The following MIPOL1 variants were observed in gnomAD, a reference collection of about 807,000 sequenced individuals.
MIPOL1 encodes mirror-image polydactyly gene 1 protein.
A neutral mutation model predicts 60.9 loss-of-function variants in MIPOL1; 57 were observed. The observed-to-expected ratio is 0.94, with a 90% CI of 0.76 to 1.17. The LOEUF (loss-of-function observed/expected upper bound fraction) is 1.17, where lower values mean the gene tolerates loss of function less well. Ranked by LOEUF, MIPOL1 falls within the 50% of genes most tolerant of loss-of-function variation. MIPOL1 has a pLI of 0.00. For missense variants in MIPOL1, 551 were observed against 511.6 expected, an observed-to-expected ratio of 1.08 and a Z score of -0.74; for synonymous variants, 179 against 168.8, an observed-to-expected ratio of 1.06 and a Z score of -0.47.
intron 11 of MIPOL1, among the ~76,000 whole-genome samples, chr14:37,491,358 G>A (rs1047755204): frequency 1.3e-5 from 2 of 152,030 alleles, no homozygotes; most frequent in Non-Finnish European, 2.9e-5. Flanking sequence ...GCGAAACTCC[G>A]CCTTTACCAA....
chr14:37,482,045 G>T (rs537547441), intron 11 of MIPOL1, among the ~76,000 whole-genome samples: 2 of 152,034 alleles, frequency 1.3e-5, no homozygotes, highest in East Asian at 3.9e-4. Context: ...ACCCCAAAAA[G>T]CATAGGCAAC....
intron 10 of MIPOL1, chr14:37,401,244 C>G (rs1380561335): frequency 6.6e-6 from 1 of 151,928 alleles, no homozygotes; most frequent in Non-Finnish European, 1.5e-5. Context: ...AAGAGAAACC[C>G]TATTCAAAGA....
chr14:37,539,313 A>G (rs1253100978), intron 12 of MIPOL1, among the ~76,000 whole-genome samples: 1 of 152,216 alleles, frequency 6.6e-6, no homozygotes, highest in Non-Finnish European at 1.5e-5. Context: ...TTATTCTGAT[A>G]TGGAAATATT....
At chr14:37,293,846 G>A (rs2085339534) in intron 7 of MIPOL1, among the ~76,000 whole-genome samples, 2 of 152,206 alleles carry the variant, frequency 1.3e-5, no homozygotes, top group Non-Finnish European at 2.9e-5. Flanking sequence ...CACAGCTCAA[G>A]GAGGCCTTCC....
chr14:37,225,806 C>A (rs921762721), intron 1 of MIPOL1, among the ~76,000 whole-genome samples: 1 of 152,102 alleles, frequency 6.6e-6, no homozygotes, highest in Admixed American at 6.6e-5. Flanking sequence ...TGTGGTCAGG[C>A]GGCAAATTGT....
chr14:37,314,493 G>A (rs939560587), intron 9 of MIPOL1, among the ~76,000 whole-genome samples: 1 of 152,122 alleles, frequency 6.6e-6, no homozygotes, highest in Non-Finnish European at 1.5e-5. Flanking sequence ...TGTTCTTTTT[G>A]ACTCTTTCTG....
intron 11 of MIPOL1, among the ~76,000 whole-genome samples, chr14:37,437,996 G>C (rs2153564130): frequency 6.6e-6 from 1 of 151,892 alleles, no homozygotes; most frequent in Non-Finnish European, 1.5e-5. Flanking sequence ...TTTTCTTTAG[G>C]AACAAGTTTT....
At chr14:37,264,729 C>A (rs2082748162) in intron 3 of MIPOL1, among the ~76,000 whole-genome samples, 1 of 151,988 alleles carries the variant, frequency 6.6e-6, no homozygotes, top group African/African-American at 2.4e-5. Context: ...TACAGTAATT[C>A]TTTGTTTTGC....
intron 11 of MIPOL1, among the ~76,000 whole-genome samples, chr14:37,434,861 A>C (rs924927452): frequency 3.2e-4 from 48 of 152,012 alleles, no homozygotes; most frequent in Admixed American, 4.6e-4. Flanking sequence ...AAAAAAAAAA[A>C]AAAAACAAAA....
At chr14:37,447,870 A>G (rs1471094373) in intron 11 of MIPOL1, among the ~76,000 whole-genome samples, 1 of 152,104 alleles carries the variant, frequency 6.6e-6, no homozygotes, top group Admixed American at 6.6e-5. Flanking sequence ...GAATATTGGT[A>G]CCTATCTTTT....
chr14:37,202,790 A>G (rs1170437455), intron 1 of MIPOL1, among the ~76,000 whole-genome samples: 3 of 152,030 alleles, frequency 2.0e-5, no homozygotes, highest in Non-Finnish European at 4.4e-5. Flanking sequence ...TTCTGGGACA[A>G]TTTTCCAGGA....
intron 9 of MIPOL1, among the ~76,000 whole-genome samples, chr14:37,328,014 T>TAG (rs2089329447): frequency 2.0e-5 from 3 of 147,574 alleles, no homozygotes; most frequent in African/African-American, 7.3e-5. Flanking sequence ...GAAAATTTTC[T>TAG]GTTTTCTTTT....
intron 3 of MIPOL1, among the ~76,000 whole-genome samples, chr14:37,262,491 C>T (rs941560001): frequency 4.6e-5 from 7 of 152,050 alleles, no homozygotes; most frequent in African/African-American, 9.6e-5. Context: ...TTAAAGCATG[C>T]GATTTGGTTC....
At chr14:37,375,117 C>G (rs2092739225) in intron 10 of MIPOL1, among the ~76,000 whole-genome samples, 1 of 151,956 alleles carries the variant, frequency 6.6e-6, no homozygotes, top group Non-Finnish European at 1.5e-5. Context: ...AAGTTGTATT[C>G]CTAGGTATTT....
intron 12 of MIPOL1, among the ~76,000 whole-genome samples, chr14:37,501,186 A>G (rs1317050286): frequency 6.6e-6 from 1 of 152,230 alleles, no homozygotes; most frequent in African/African-American, 2.4e-5. Context: ...TGATTTATGT[A>G]GGTATTATAT....
In MIPOL1 at chr14:37,500,130, A is replaced by G. The variant is rs2095194529; in HGVS notation, c.1254A>G (p.Lys418=). 2 of 1,599,236 alleles carry G rather than the reference A, an allele frequency of 1.3e-6. No homozygotes were observed. The highest frequency in any genetic ancestry group is 1.7e-6 in the Non-Finnish European group (2 of 1,172,286). ...AGGCCTCCCAAGTGGCCAATGAAAA[A>G]GTTCAAAAGTAAGTTAAATGATCTT... ...AREASQVANE[K]VQKLERLVDV... The change falls in exon 12 of 13, where the codon AAA becomes AAG. Residue 418 remains lysine, a synonymous_variant. Transcript: ENST00000684589.
rs2095558207 is a variant in MIPOL1 at position 37,550,120 on chromosome 14, T to A, written c.*3149T>A. The A allele has an allele frequency of 6.6e-6, 1 of 151,502 alleles. No homozygotes were observed. Among genetic ancestry groups the A allele is most frequent in the African/African-American group, 2.4e-5 (1 of 41,394 alleles). 9.4% of individuals were successfully genotyped at this position (151,502 alleles called of 1,614,324 possible). ...AATATGGAGTAAAATATTTTGCTAA[T>A]TTTTTTCAATGATAAAGTTGATCCT... is the stretch of plus-strand genomic sequence containing the variant. On this transcript the variant is annotated 3_prime_UTR_variant, in exon 13 of 13. Transcript: ENST00000684589.
At chr14:37,295,644 G>A (rs2085576503) in intron 7 of MIPOL1, among the ~76,000 whole-genome samples, 1 of 151,978 alleles carries the variant, frequency 6.6e-6, no homozygotes, top group Admixed American at 6.6e-5. Context: ...AAAAGGCAGG[G>A]GTTGCAATCC....
intron 9 of MIPOL1, among the ~76,000 whole-genome samples, chr14:37,310,551 C>T (rs1393901797): frequency 1.3e-5 from 2 of 152,134 alleles, no homozygotes; most frequent in Admixed American, 1.3e-4. Flanking sequence ...TCTCTATTTC[C>T]ATACTAGTTC....
Sources: allele counts gnomAD v4.1 joint callset (sites outside exome capture counted in the v4.1 genomes callset), GRCh38; gene constraint gnomAD v4.1.1; transcripts MANE v1.5; gene names NCBI Gene and HGNC (gene_info 2026-07-23, HGNC 2026-07-21).